EXOC6B: variants seen among roughly 807,000 people sequenced by gnomAD.
EXOC6B encodes the protein exocyst complex component 6B, also known as SEC15 homolog B.
EXOC6B carries 54 observed loss-of-function variants against 113.5 expected under a neutral mutation model. The ratio of observed to expected loss-of-function variants is 0.48; its 90% CI spans 0.38 to 0.60. The LOEUF (loss-of-function observed/expected upper bound fraction) is 0.60. EXOC6B is among the 20% of genes least tolerant of loss of function. EXOC6B has a pLI of 0.00. For synonymous variants in EXOC6B, 357 were observed against 339.0 expected (o/e 1.05, Z -0.58); for missense variants, 797 against 977.5 (o/e 0.82, Z 2.46).
intron 19 of EXOC6B, among the ~76,000 whole-genome samples, chr2:72,356,907 G>A (rs1025829441): frequency 6.6e-6 from 1 of 152,156 alleles, no homozygotes; most frequent in South Asian, 2.1e-4. Context: ...CATACTAAGA[G>A]AGCAGAACTG....
intron 18 of EXOC6B, among the ~76,000 whole-genome samples, chr2:72,451,326 G>A (rs1696899746): frequency 1.3e-5 from 2 of 152,064 alleles, no homozygotes; most frequent in African/African-American, 2.4e-5. Context: ...TCAGATCTCT[G>A]TCACCTCCTA....
Position 72,191,492 on chromosome 2 carries a change from TTTG to T in EXOC6B, c.2197-7308_2197-7306del, listed in dbSNP as rs144478642. On this transcript the variant is annotated intron_variant, in intron 20 of 21. Coordinates refer to ENST00000272427, the MANE Select transcript of EXOC6B (RefSeq NM_015189.3). ...CTCCCCAAGATGCCACAGCTGGTTG[TTTG>T]TTGTTGTTGTTGTTGTTTTGTTTTG... 1.4e-3 allele frequency among the ~76,000 whole-genome samples: 209 copies of T among 152,246 alleles called. 1 individual carries two copies. The highest frequency in any genetic ancestry group is 4.7e-3 in the African/African-American group (194 of 41,544).
intron 20 of EXOC6B, among the ~76,000 whole-genome samples, chr2:72,313,652 A>T (rs1224482931): frequency 6.6e-6 from 1 of 152,012 alleles, no homozygotes; most frequent in Non-Finnish European, 1.5e-5. Context: ...GACTTTAAAA[A>T]CTCTATTACC....
At chr2:72,771,197 T>C (rs981141680) in intron 1 of EXOC6B, among the ~76,000 whole-genome samples, 4 of 152,248 alleles carry the variant, frequency 2.6e-5, no homozygotes, top group Non-Finnish European at 5.9e-5. Flanking sequence ...GCCAATTAAT[T>C]TGTAAAAATT....
intron 5 of EXOC6B, among the ~76,000 whole-genome samples, chr2:72,725,829 C>A (rs1235605391): frequency 2.0e-5 from 3 of 152,166 alleles, no homozygotes; most frequent in Non-Finnish European, 4.4e-5. Context: ...TACAGAGAGA[C>A]AAAGTGCACC....
chr2:72,348,942 G>A (rs1428240947), intron 19 of EXOC6B, among the ~76,000 whole-genome samples: 2 of 152,092 alleles, frequency 1.3e-5, no homozygotes, highest in Admixed American at 1.3e-4. Flanking sequence ...CAAGCTGAAA[G>A]GAGATGATGT....
rs1429533510 is a variant in EXOC6B at position 72,500,006 on chromosome 2, T to A, written c.1168-34A>T. 8.9e-6 allele frequency: 12 copies of A among 1,345,212 alleles called. No individual in the cohort carries two copies. The East Asian group carries it at 2.8e-4, about 31-fold the overall frequency. The allele number at this position is 1,345,212 out of a possible 1,614,324, so 83.3% of individuals were successfully genotyped here. A position where few individuals can be genotyped will look rare whatever the true frequency, so the allele number is the denominator to read the frequency against. ...AATAAAAGACAAAGGAGGAAAAACATGTTATTAGTAAAAATGCAATTAAAT... is the reference window on the plus strand; with the variant it reads ...AATAAAAGACAAAGGAGGAAAAACAAGTTATTAGTAAAAATGCAATTAAAT... On this transcript the variant is annotated intron_variant, in intron 11 of 21. Coordinates refer to ENST00000272427, the MANE Select transcript of EXOC6B (RefSeq NM_015189.3).
intron 20 of EXOC6B, among the ~76,000 whole-genome samples, chr2:72,283,139 T>C (rs1685229662): frequency 6.6e-6 from 1 of 152,096 alleles, no homozygotes; most frequent in South Asian, 2.1e-4. Flanking sequence ...TTTACCAAAA[T>C]ATACCATATG....
intron 20 of EXOC6B, among the ~76,000 whole-genome samples, chr2:72,248,671 G>A (rs1052846067): frequency 6.6e-6 from 1 of 152,044 alleles, no homozygotes; most frequent in African/African-American, 2.4e-5. Flanking sequence ...GTAAATGCTC[G>A]GTAAGTATTT....
chr2:72,446,045 G>T (rs1696555421), intron 18 of EXOC6B, among the ~76,000 whole-genome samples: 1 of 152,128 alleles, frequency 6.6e-6, no homozygotes. Context: ...ACTGTTTTGG[G>T]GAGTGTAAAT....
At chr2:72,449,980 A>G (rs572396196) in intron 18 of EXOC6B, among the ~76,000 whole-genome samples, 1 of 152,362 alleles carries the variant, frequency 6.6e-6, no homozygotes, top group South Asian at 2.1e-4. Context: ...AGAACAACTT[A>G]TAACAGAAAG....
chr2:72,473,472 T>A lies in EXOC6B; in HGVS notation c.1800+7144A>T, dbSNP rs112770704. On this transcript the variant is annotated intron_variant, in intron 17 of 21. Coordinates refer to ENST00000272427, the MANE Select transcript of EXOC6B (RefSeq NM_015189.3). ...TCTTACTGTTTTTTATTTAAATTGT[T>A]GTATCTGAGTATAGCTATGCCTGCT... is the stretch of plus-strand genomic sequence containing the variant. Among the ~76,000 whole-genome samples, 291 of 152,254 alleles carry A rather than the reference T, an allele frequency of 1.9e-3. 2 individuals are homozygous for A. Among genetic ancestry groups the A allele is most frequent in the Middle Eastern group, 6.8e-3 (2 of 294 alleles).
intron 1 of EXOC6B, among the ~76,000 whole-genome samples, chr2:72,760,812 C>G (rs1277002361): frequency 1.3e-5 from 2 of 152,140 alleles, no homozygotes; most frequent in African/African-American, 4.8e-5. Flanking sequence ...ACTAAAACTG[C>G]ATGATTAGTT....
At chr2:72,185,859 A>G (rs947951944) in intron 20 of EXOC6B, among the ~76,000 whole-genome samples, 7 of 151,280 alleles carry the variant, frequency 4.6e-5, no homozygotes, top group African/African-American at 1.7e-4. Flanking sequence ...CGTCATTTAC[A>G]TTATGTATAT....
chr2:72,317,154 T>G (rs1687562777), intron 20 of EXOC6B, among the ~76,000 whole-genome samples: 1 of 140,380 alleles, frequency 7.1e-6, no homozygotes, highest in South Asian at 2.1e-4. Context: ...TAATTGTGGT[T>G]TGTTTTTTTT....
intron 6 of EXOC6B, among the ~76,000 whole-genome samples, chr2:72,657,043 G>T (rs1007872615): frequency 3.3e-5 from 5 of 151,712 alleles, no homozygotes; most frequent in African/African-American, 1.2e-4. Flanking sequence ...TAGAGACAGG[G>T]TTTCTCCTTG....
chr2:72,756,461 A>G (rs540780955), intron 1 of EXOC6B, among the ~76,000 whole-genome samples: 1 of 152,326 alleles, frequency 6.6e-6, no homozygotes, highest in African/African-American at 2.4e-5. Flanking sequence ...AGCAGAAAAA[A>G]GTTACTTATA....
chr2:72,194,059 T>C lies in EXOC6B; in HGVS notation c.2197-9872A>G, dbSNP rs73942553. Among the ~76,000 whole-genome samples the C allele has an allele frequency of 8.5e-3, 1,295 of 152,302 alleles. 21 individuals carry two copies. The highest frequency in any genetic ancestry group is 0.029 in the African/African-American group (1,195 of 41,562). ...TATCCAGTCTTTTACAGAAAAGGTT[T>C]GCCTGTAGATCCAAGGCAGGGAGGG... On this transcript the variant is annotated intron_variant, in intron 20 of 21. Coordinates refer to ENST00000272427, the MANE Select transcript of EXOC6B (RefSeq NM_015189.3).
At chr2:72,463,660 G>A (rs1049385299) in intron 18 of EXOC6B, 1 of 152,170 alleles carries the variant, frequency 6.6e-6, no homozygotes, top group Non-Finnish European at 1.5e-5. Context: ...CTAAACGGCT[G>A]AGGAAAATAA....
Sources: gnomAD v4.1 joint callset for allele counts (sites outside exome capture counted in the v4.1 genomes callset) on GRCh38, gnomAD v4.1.1 for gene constraint, MANE v1.5 for transcripts, NCBI Gene and HGNC (gene_info 2026-07-23, HGNC 2026-07-21) for gene names.